The following PGCKA1 variants were observed in gnomAD, a reference collection of about 807,000 sequenced individuals.
PGCKA1 encodes PDCD10 and GCKIII kinases-associated protein 1.
At chr4:37,511,422 T>G in the PGCKA1 span, among the ~76,000 whole-genome samples, 2 of 152,094 alleles carry the variant, frequency 1.3e-5, no homozygotes, top group Non-Finnish European at 2.9e-5. Context: ...AGGTAATGGA[T>G]CCTGCCTAAA....
the PGCKA1 span, among the ~76,000 whole-genome samples, chr4:37,577,966 C>T: frequency 6.6e-6 from 1 of 152,198 alleles, no homozygotes; most frequent in Non-Finnish European, 1.5e-5. Context: ...TGTGACCTAA[C>T]ATATGGTCTA....
the PGCKA1 span, among the ~76,000 whole-genome samples, chr4:37,457,215 C>T: frequency 6.6e-6 from 1 of 152,188 alleles, no homozygotes; most frequent in African/African-American, 2.4e-5. Flanking sequence ...TATACACATT[C>T]TCTGATTTAG....
At chr4:37,521,069 T>C in the PGCKA1 span, among the ~76,000 whole-genome samples, 2 of 152,206 alleles carry the variant, frequency 1.3e-5, no homozygotes, top group Non-Finnish European at 2.9e-5. Context: ...TTTTTTCTCC[T>C]CTGATCTTCA....
chr4:37,545,757 T>A, the PGCKA1 span, among the ~76,000 whole-genome samples: 65 of 152,186 alleles, frequency 4.3e-4, no homozygotes, highest in Non-Finnish European at 9.3e-4. Flanking sequence ...AACTTCAGGA[T>A]CTCTGAAACT....
chr4:37,530,859 C>G, the PGCKA1 span, among the ~76,000 whole-genome samples: 1 of 151,798 alleles, frequency 6.6e-6, no homozygotes, highest in Admixed American at 6.6e-5. Context: ...GTGGTGGGCA[C>G]CTGTAATCTC....
chr4:37,566,469 T>G, the PGCKA1 span, among the ~76,000 whole-genome samples: 15 of 151,998 alleles, frequency 9.9e-5, no homozygotes, highest in Non-Finnish European at 1.9e-4. Flanking sequence ...TCAGAAGAGA[T>G]AAGGTTTCAC....
the PGCKA1 span, among the ~76,000 whole-genome samples, chr4:37,532,454 G>A: frequency 6.6e-6 from 1 of 152,082 alleles, no homozygotes; most frequent in Admixed American, 6.5e-5. Flanking sequence ...GATAGAAAAG[G>A]CTGGCAGAAC....
At chr4:37,513,407 T>C in the PGCKA1 span, among the ~76,000 whole-genome samples, 37 of 152,320 alleles carry the variant, frequency 2.4e-4, no homozygotes, top group Admixed American at 1.5e-3. Flanking sequence ...TCTGACATTG[T>C]TTAGTTTCTA....
chr4:37,557,213 T>G, the PGCKA1 span, among the ~76,000 whole-genome samples: 83 of 152,372 alleles, frequency 5.4e-4, no homozygotes, highest in Middle Eastern at 3.4e-3. Flanking sequence ...TCATGTATTT[T>G]ATTGAAATAC....
At chr4:37,586,040 T>TG in the PGCKA1 span, among the ~76,000 whole-genome samples, 2 of 151,594 alleles carry the variant, frequency 1.3e-5, no homozygotes, top group Non-Finnish European at 2.9e-5. Context: ...TTTTTCTTTT[T>TG]GGGGGGTGTG....
the PGCKA1 span, among the ~76,000 whole-genome samples, chr4:37,510,899 G>T: frequency 1.3e-5 from 2 of 151,778 alleles, no homozygotes; most frequent in South Asian, 2.1e-4. Context: ...TACTGTGGCT[G>T]GGCTGTCACT....
At chr4:37,543,229 T>G in the PGCKA1 span, among the ~76,000 whole-genome samples, 1 of 152,226 alleles carries the variant, frequency 6.6e-6, no homozygotes, top group Non-Finnish European at 1.5e-5. Flanking sequence ...AGGCATCATC[T>G]TCCACAGTGG....
chr4:37,484,943 A>C, the PGCKA1 span, among the ~76,000 whole-genome samples: 310 of 152,362 alleles, frequency 2.0e-3, no homozygotes, highest in Non-Finnish European at 3.8e-3. Flanking sequence ...GATTAAGAAA[A>C]GTGGTTAGAG....
the PGCKA1 span, among the ~76,000 whole-genome samples, chr4:37,495,670 G>A: frequency 1.3e-5 from 2 of 152,050 alleles, no homozygotes; most frequent in Non-Finnish European, 2.9e-5. Context: ...TAGAACACAC[G>A]GACACAGGGA....
At chr4:37,514,683 C>A in the PGCKA1 span, among the ~76,000 whole-genome samples, 2 of 152,206 alleles carry the variant, frequency 1.3e-5, no homozygotes, top group East Asian at 3.8e-4. Context: ...AACTTGGTTG[C>A]TTGAAAACGA....
chr4:37,570,011 G>T, the PGCKA1 span, among the ~76,000 whole-genome samples: 2 of 128,906 alleles, frequency 1.6e-5, no homozygotes, highest in Non-Finnish European at 3.1e-5. Context: ...ACGGAGTCTC[G>T]CTCTGTCGCC....
the PGCKA1 span, among the ~76,000 whole-genome samples, chr4:37,563,020 A>T: frequency 6.6e-6 from 1 of 152,190 alleles, no homozygotes; most frequent in Non-Finnish European, 1.5e-5. Flanking sequence ...CTTTAAAGGA[A>T]TATTGGGTTC....
the PGCKA1 span, among the ~76,000 whole-genome samples, chr4:37,526,045 T>C: frequency 1.3e-5 from 2 of 152,194 alleles, no homozygotes. Context: ...TATCATACTG[T>C]TTATGATGTA....
the PGCKA1 span, among the ~76,000 whole-genome samples, chr4:37,577,750 T>A: frequency 6.6e-6 from 1 of 152,266 alleles, no homozygotes; most frequent in South Asian, 2.1e-4. Context: ...CGTGTTTCCA[T>A]GATCATGTGT....
Sources: gnomAD v4.1 joint callset for allele counts (sites outside exome capture counted in the v4.1 genomes callset) on GRCh38, gnomAD v4.1.1 for gene constraint, MANE v1.5 for transcripts, NCBI Gene and HGNC (gene_info 2026-07-23, HGNC 2026-07-21) for gene names.